The following PLD5 variants were observed in gnomAD, a reference collection of about 807,000 sequenced individuals.
PLD5 encodes the protein inactive phospholipase D5.
Under a neutral mutation model 61.1 loss-of-function variants are expected in PLD5, and 36 were observed. The ratio of observed to expected loss-of-function variants is 0.59; its 90% CI spans 0.45 to 0.78. The LOEUF (loss-of-function observed/expected upper bound fraction) is 0.78, where lower values mean the gene tolerates loss of function less well. PLD5 is among the 30% of genes least tolerant of loss of function. PLD5 has a pLI of 0.00. For synonymous variants in PLD5, 243 were observed against 242.8 expected, an observed-to-expected ratio of 1.00 and a Z score of -0.01; for missense variants, 515 against 644.4, an observed-to-expected ratio of 0.80 and a Z score of 2.17.
chr1:242,523,064 G>A (rs186596492), intron 1 of PLD5, among the ~76,000 whole-genome samples: 1 of 152,262 alleles, frequency 6.6e-6, no homozygotes, highest in East Asian at 1.9e-4. Flanking sequence ...TGGGAAGCAG[G>A]TCGGTGCAGC....
intron 1 of PLD5, among the ~76,000 whole-genome samples, chr1:242,406,354 G>T (rs1026284794): frequency 1.3e-5 from 2 of 152,180 alleles, no homozygotes; most frequent in African/African-American, 4.8e-5. Flanking sequence ...TCTCCACTAA[G>T]AGAGCTAACA....
At chr1:242,473,797 A>C (rs1450283737) in intron 1 of PLD5, among the ~76,000 whole-genome samples, 1 of 152,236 alleles carries the variant, frequency 6.6e-6, no homozygotes, top group East Asian at 1.9e-4. Context: ...AATATGAGCT[A>C]GCATTGTAGC....
At chr1:242,230,944 T>C (rs1445907025) in intron 4 of PLD5, among the ~76,000 whole-genome samples, 1 of 152,226 alleles carries the variant, frequency 6.6e-6, no homozygotes, top group African/African-American at 2.4e-5. Flanking sequence ...TTTGATTATA[T>C]ATAACCTTCT....
At position 242,504,123 on chromosome 1, in the gene PLD5, C is replaced by T. The variant is rs113647928; in HGVS notation, c.189+19965G>A. Among the ~76,000 whole-genome samples, 166 of 152,194 alleles carry T rather than the reference C, an allele frequency of 1.1e-3. 1 individual carries two copies. Among genetic ancestry groups the T allele is most frequent in the African/African-American group, 3.8e-3 (159 of 41,518 alleles). ...CTCTCATAAAAAAAAATGTACCTAC[C>T]AGAAATAATTTTATCTATTTTAGCT... is the stretch of plus-strand genomic sequence containing the variant. On this transcript the variant is annotated intron_variant, in intron 1 of 9. Coordinates refer to ENST00000536534, the MANE Select transcript of PLD5 (RefSeq NM_001372062.1).
At chr1:242,223,069 T>A (rs1340897839) in intron 4 of PLD5, among the ~76,000 whole-genome samples, 1 of 152,122 alleles carries the variant, frequency 6.6e-6, no homozygotes, top group Non-Finnish European at 1.5e-5. Context: ...GGCTGTGAAG[T>A]CCAAGATCAA....
In PLD5 at chr1:242,124,548, T is replaced by C; in HGVS notation, c.853A>G (p.Lys285Glu). ...FKSRVPQTWSKRLYGVYDNEK... is the reference protein window; with the variant it reads ...FKSRVPQTWSERLYGVYDNEK... ...TTGTCATAGACTCCATAGAGTCTTT[T>C]GGACCAGGTTTGAGGCACTCTGCTT... Residue 285 changes from lysine (K) to glutamate (E), a missense_variant, in exon 6 of 10, where the codon AAA becomes GAA. Physicochemically the swap from Lys to Glu is moderately conservative, Grantham distance 56. Around this residue, in one of 2 missense-constraint regions of PLD5, gnomAD observed 450 missense variants for 598.1 expected, o/e 0.75. Transcript: ENST00000536534. 1.2e-6 allele frequency: 2 copies of C among 1,614,110 alleles called. No individual in the cohort carries two copies. The highest frequency in any genetic ancestry group is 1.7e-6 in the Non-Finnish European group (2 of 1,179,942).
At chr1:242,487,848 G>T (rs906809982) in intron 1 of PLD5, among the ~76,000 whole-genome samples, 6 of 152,118 alleles carry the variant, frequency 3.9e-5, no homozygotes, top group Admixed American at 1.3e-4. Context: ...TATGTATATT[G>T]TATGTATATC....
chr1:242,172,800 C>T (rs1465071987), intron 5 of PLD5, among the ~76,000 whole-genome samples: 1 of 152,124 alleles, frequency 6.6e-6, no homozygotes, highest in African/African-American at 2.4e-5. Context: ...AATTCCTGGA[C>T]ACATACACCC....
At chr1:242,219,879 A>T in intron 5 of PLD5, 109 bp downstream of exon 5, 1 of 1,375,002 alleles carries the variant, frequency 7.3e-7, no homozygotes, top group Admixed American at 2.0e-5. Flanking sequence ...ACAGTTAAGA[A>T]TAATAAATGC....
In PLD5 at chr1:242,087,874, T is replaced by C. The variant is rs1228187663; in HGVS notation, c.*1980A>G. The C allele has an allele frequency of 6.6e-6, 1 of 152,234 alleles. No individual in the cohort carries two copies. Among genetic ancestry groups the C allele is most frequent in the Admixed American group, 6.5e-5 (1 of 15,282 alleles). The allele number at this position is 152,234 out of a possible 1,614,324, so 9.4% of individuals were successfully genotyped here. On this transcript the variant is annotated 3_prime_UTR_variant, in exon 10 of 10. Coordinates refer to ENST00000536534, the MANE Select transcript of PLD5 (RefSeq NM_001372062.1). Reference sequence around the variant, plus strand: ...TTAGAGTCTTAGGGACTGGCTATTATTGATGAAGAATTTCAGTGAGAATCT... The same window carrying C: ...TTAGAGTCTTAGGGACTGGCTATTACTGATGAAGAATTTCAGTGAGAATCT...
intron 5 of PLD5, among the ~76,000 whole-genome samples, chr1:242,195,586 T>G (rs1668589946): frequency 6.6e-6 from 1 of 152,226 alleles, no homozygotes; most frequent in Admixed American, 6.5e-5. Context: ...ATTTTCCATC[T>G]GTTTTGGATG....
chr1:242,374,401 G>A (rs1354831868), intron 1 of PLD5, among the ~76,000 whole-genome samples: 1 of 152,080 alleles, frequency 6.6e-6, no homozygotes, highest in Non-Finnish European at 1.5e-5. Context: ...AGGTTTTCTT[G>A]TGGCTCAGAA....
chr1:242,399,588 T>A (rs774831893), intron 1 of PLD5, among the ~76,000 whole-genome samples: 1 of 152,032 alleles, frequency 6.6e-6, no homozygotes, highest in African/African-American at 2.4e-5. Flanking sequence ...TTCTTCTTGA[T>A]TAGGTTTAAC....
chr1:242,222,184 G>GC (rs903827801), intron 4 of PLD5, among the ~76,000 whole-genome samples: 1 of 149,558 alleles, frequency 6.7e-6, no homozygotes, highest in African/African-American at 2.5e-5. Flanking sequence ...TGAAGGTCCC[G>GC]CCCCCCACTA....
intron 4 of PLD5, among the ~76,000 whole-genome samples, chr1:242,240,667 G>A (rs1212216895): frequency 6.6e-6 from 1 of 152,108 alleles, no homozygotes; most frequent in Non-Finnish European, 1.5e-5. Context: ...TAAGGACAGC[G>A]GGAAAATGTA....
chr1:242,262,654 G>A (rs116428762), intron 4 of PLD5, among the ~76,000 whole-genome samples: 1,770 of 151,952 alleles, frequency 0.012, 44 homozygotes, highest in African/African-American at 0.041. Flanking sequence ...GAAGAAAGAC[G>A]GGGGGATAGA....
At chr1:242,262,704 C>T (rs6702486) in intron 4 of PLD5, among the ~76,000 whole-genome samples, 2,025 of 151,980 alleles carry the variant, frequency 0.013, 46 homozygotes, top group African/African-American at 0.042. Flanking sequence ...CGTACGAGAG[C>T]GTGGAGTTGA....
intron 7 of PLD5, among the ~76,000 whole-genome samples, chr1:242,113,432 G>A (rs1661700052): frequency 6.6e-6 from 1 of 152,104 alleles, no homozygotes; most frequent in Non-Finnish European, 1.5e-5. Flanking sequence ...TGAGAATTTG[G>A]CATTAAATGA....
chr1:242,251,916 G>A (rs1033369706), intron 4 of PLD5, among the ~76,000 whole-genome samples: 6 of 152,188 alleles, frequency 3.9e-5, no homozygotes, highest in African/African-American at 1.4e-4. Context: ...TATGGAAAAT[G>A]TACTGGGATA....
Sources: gnomAD v4.1 joint callset for allele counts (sites outside exome capture counted in the v4.1 genomes callset) on GRCh38, gnomAD v4.1.1 for gene constraint, gnomAD v4.1.1 regional missense constraint, MANE v1.5 for transcripts, NCBI Gene and HGNC (gene_info 2026-07-23, HGNC 2026-07-21) for gene names.